Variants in TRPM3 observed in about 807,000 individuals in gnomAD.
The protein encoded by TRPM3 is transient receptor potential cation channel subfamily M member 3.
In TRPM3, 77 loss-of-function variants were observed where a neutral mutation model predicts 181.2. That is an observed-to-expected ratio of 0.42 (90% confidence interval 0.35 to 0.51). The LOEUF is 0.51. Among genes scored for constraint, TRPM3 ranks in the 20% least tolerant of loss-of-function variants. The pLI is 0.01. For synonymous variants in TRPM3, 745 were observed against 796.4 expected (o/e 0.94, Z 1.09); for missense variants, 1,759 against 2,196.7 (o/e 0.80, Z 3.98).
At chr9:70,822,276 C>T (rs1229791870) in intron 6 of TRPM3, among the ~76,000 whole-genome samples, 1 of 152,124 alleles carries the variant, frequency 6.6e-6, no homozygotes, top group Non-Finnish European at 1.5e-5. Context: ...GTCCTCAGTC[C>T]CTTTCTTTTC....
chr9:71,270,628 A>G (rs917158157), intron 1 of TRPM3, among the ~76,000 whole-genome samples: 1 of 152,146 alleles, frequency 6.6e-6, no homozygotes, highest in African/African-American at 2.4e-5. Context: ...CCTCAGTGCA[A>G]CTGTCCCTTC....
intron 1 of TRPM3, among the ~76,000 whole-genome samples, chr9:71,114,834 C>T (rs2071955434): frequency 1.3e-5 from 2 of 152,128 alleles, no homozygotes; most frequent in Admixed American, 6.5e-5. Flanking sequence ...ACCATGAAGA[C>T]TATTTTTAGG....
intron 1 of TRPM3, among the ~76,000 whole-genome samples, chr9:70,899,744 G>C (rs2096355717): frequency 6.6e-6 from 1 of 152,114 alleles, no homozygotes; most frequent in African/African-American, 2.4e-5. Flanking sequence ...TTTGAGAGTT[G>C]GTCTCAAATA....
intron 1 of TRPM3, among the ~76,000 whole-genome samples, chr9:71,127,262 C>T (rs979438126): frequency 7.6e-5 from 10 of 132,066 alleles, no homozygotes; most frequent in Non-Finnish European, 1.7e-4. Context: ...TTAGAATACT[C>T]AACATAGATT....
At chr9:71,363,362 G>A (rs760818220) in intron 1 of TRPM3, among the ~76,000 whole-genome samples, 3 of 152,126 alleles carry the variant, frequency 2.0e-5, no homozygotes, top group Non-Finnish European at 2.9e-5. Context: ...TTTTTCCTAA[G>A]CCAAATTGGG....
intron 1 of TRPM3, among the ~76,000 whole-genome samples, chr9:71,141,068 T>C (rs1205132041): frequency 6.6e-6 from 1 of 152,228 alleles, no homozygotes; most frequent in Non-Finnish European, 1.5e-5. Context: ...TTTTATATTT[T>C]TATGCTTACA....
chr9:70,596,256 T>C (rs973577088), intron 21 of TRPM3, among the ~76,000 whole-genome samples: 2 of 152,218 alleles, frequency 1.3e-5, no homozygotes, highest in Non-Finnish European at 2.9e-5. Context: ...CAATGTGTTA[T>C]ACCCAATTCA....
In TRPM3 at chr9:71,196,335, C is replaced by T. The variant is rs1587891660; in HGVS notation, c.183+250318G>A. On this transcript the variant is annotated intron_variant, in intron 1 of 24. Transcript: ENST00000357533. ...AAAAAAAGTCACACACATGCGATCACCAAATCCATTTTTCTAAATTTGGAT... is the reference window on the plus strand; with the variant it reads ...AAAAAAAGTCACACACATGCGATCATCAAATCCATTTTTCTAAATTTGGAT... Among the ~76,000 whole-genome samples the T allele has an allele frequency of 4.0e-5, 6 of 151,878 alleles. No individual in the cohort carries two copies. The South Asian group carries it at 6.2e-4, about 16-fold the overall frequency.
At chr9:70,747,831 G>A (rs1266440704) in intron 8 of TRPM3, among the ~76,000 whole-genome samples, 6 of 151,980 alleles carry the variant, frequency 3.9e-5, no homozygotes, top group Non-Finnish European at 8.8e-5. Context: ...AAGTTCATAG[G>A]GAATAGCAAT....
At chr9:70,902,660 A>G (rs1309777716) in intron 1 of TRPM3, among the ~76,000 whole-genome samples, 3 of 152,210 alleles carry the variant, frequency 2.0e-5, no homozygotes, top group Non-Finnish European at 2.9e-5. Context: ...ATGCTCATTC[A>G]TTGATTTAGT....
Position 70,625,430 on chromosome 9 carries a change from T to C in TRPM3, c.1668+52A>G. ...TTCTGTAACTAGAGTAAAAAAAAAA[T>C]AATGAAAAAAGAAACATATGAATGT... On this transcript the variant is annotated intron_variant, in intron 13 of 25. Coordinates refer to ENST00000677713, the MANE Select transcript of TRPM3 (RefSeq NM_001366145.2). This position sits in a 1 kb window ranked among gnomAD's most constrained non-coding sequence, Gnocchi z 4.8. The C allele has an allele frequency of 6.4e-7, 1 of 1,565,918 alleles. No individual in the cohort carries two copies. Among genetic ancestry groups the C allele is most frequent in the East Asian group, 2.3e-5 (1 of 44,166 alleles).
chr9:70,687,071 G>A (rs551578283), intron 8 of TRPM3, among the ~76,000 whole-genome samples: 4 of 151,980 alleles, frequency 2.6e-5, no homozygotes, highest in South Asian at 2.1e-4. Flanking sequence ...TTGGGATCAC[G>A]GGTGTCAGCC....
intron 1 of TRPM3, among the ~76,000 whole-genome samples, chr9:70,934,080 A>G (rs1015469692): frequency 1.3e-5 from 2 of 152,284 alleles, no homozygotes; most frequent in Middle Eastern, 6.8e-3. Flanking sequence ...ACATTCTTTA[A>G]ACTTACTCCA....
chr9:70,605,468 T>TATCA (rs137946335), intron 19 of TRPM3, among the ~76,000 whole-genome samples: 2,634 of 146,026 alleles, frequency 0.018, 84 homozygotes, highest in African/African-American at 0.062. Flanking sequence ...CCCAGGGGCC[T>TATCA]ATCATTTCAA....
chr9:71,134,446 G>A (rs1179775228), intron 1 of TRPM3, among the ~76,000 whole-genome samples: 1 of 150,970 alleles, frequency 6.6e-6, no homozygotes, highest in Non-Finnish European at 1.5e-5. Flanking sequence ...CAGCTACTTG[G>A]GAGGCTGAGG....
At chr9:71,345,429 T>C (rs2091234074) in intron 1 of TRPM3, among the ~76,000 whole-genome samples, 1 of 152,202 alleles carries the variant, frequency 6.6e-6, no homozygotes. Context: ...AATGAGTTCA[T>C]GTCCTTTGCG....
chr9:70,825,986 T>A (rs2093532438), intron 6 of TRPM3: 1 of 152,416 alleles, frequency 6.6e-6, no homozygotes, highest in Non-Finnish European at 1.5e-5. Context: ...CACTACTGGC[T>A]AACCAGCCCA....
chr9:71,004,142 C>T (rs897300660), intron 1 of TRPM3, among the ~76,000 whole-genome samples: 1 of 152,180 alleles, frequency 6.6e-6, no homozygotes, highest in Admixed American at 6.5e-5. Flanking sequence ...AGGGTAGCTG[C>T]CCTATGCTCT....
intron 1 of TRPM3, among the ~76,000 whole-genome samples, chr9:71,181,307 A>T (rs60718809): frequency 0.038 from 5,719 of 152,074 alleles, 132 homozygotes; most frequent in Non-Finnish European, 0.051. Context: ...TTAAACTTCA[A>T]CTTCTGTTTT....
Sources: allele counts gnomAD v4.1 joint callset (sites outside exome capture counted in the v4.1 genomes callset), GRCh38; gene constraint gnomAD v4.1.1; non-coding constraint Gnocchi (gnomAD v3.1); transcripts MANE v1.5; gene names NCBI Gene and HGNC (gene_info 2026-07-23, HGNC 2026-07-21).